The following CTNNA3 variants were observed in gnomAD, a reference collection of about 807,000 sequenced individuals.
CTNNA3 encodes catenin alpha 3, also known as catenin alpha-3.
In CTNNA3, 76 loss-of-function variants were observed where a neutral mutation model predicts 95.7. The ratio of observed to expected loss-of-function variants is 0.79; its 90% confidence interval spans 0.66 to 0.96. The LOEUF (loss-of-function observed/expected upper bound fraction) is 0.96, where lower values mean the gene tolerates loss of function less well. Among genes scored for constraint, CTNNA3 ranks in the 40% least tolerant of loss-of-function variants. The pLI, the probability that CTNNA3 is intolerant of heterozygous loss-of-function variation, is 0.00. For missense variants in CTNNA3, 1,191 were observed against 1,089.8 expected, an observed-to-expected ratio of 1.09 and a Z score of -1.31; for synonymous variants, 431 against 374.4, an observed-to-expected ratio of 1.15 and a Z score of -1.74.
rs538938453 is a variant in CTNNA3 at position 66,737,967 on chromosome 10, C to T, written c.1281+28297G>A. ...CCATCGCGCCCGGCCAAAATTTGTG[C>T]TTTTAAGTAACATCCTTCTCTTCCC... On this transcript the variant is annotated intron_variant, in intron 9 of 17. Transcript: ENST00000433211. Among the ~76,000 whole-genome samples the T allele has an allele frequency of 9.1e-4, 139 of 152,210 alleles. 1 individual carries two copies. Among genetic ancestry groups the T allele is most frequent in the Middle Eastern group, 3.4e-3 (1 of 294 alleles).
chr10:66,396,736 T>A (rs2132546321), intron 11 of CTNNA3, among the ~76,000 whole-genome samples: 1 of 152,018 alleles, frequency 6.6e-6, no homozygotes, highest in South Asian at 2.1e-4. Flanking sequence ...GTCCCCAAAT[T>A]ACCATCCTCA....
intron 14 of CTNNA3, among the ~76,000 whole-genome samples, chr10:66,080,929 G>T (rs1263350472): frequency 6.6e-6 from 1 of 152,164 alleles, no homozygotes; most frequent in Non-Finnish European, 1.5e-5. Context: ...GCTTAAGAAA[G>T]ATATTATATT....
intron 11 of CTNNA3, among the ~76,000 whole-genome samples, chr10:66,420,481 A>C (rs553400560): frequency 6.6e-6 from 1 of 152,242 alleles, no homozygotes; most frequent in African/African-American, 2.4e-5. Context: ...TTTGGTGGGA[A>C]TGTAAATTAG....
At chr10:67,667,644 A>G (rs1026219199) in intron 1 of CTNNA3, among the ~76,000 whole-genome samples, 1 of 152,168 alleles carries the variant, frequency 6.6e-6, no homozygotes, top group Non-Finnish European at 1.5e-5. Context: ...TCTATTTCTA[A>G]TAATAAAAAC....
chr10:65,944,855 T>C (rs531137128), intron 17 of CTNNA3, among the ~76,000 whole-genome samples: 49 of 32,480 alleles, frequency 1.5e-3, no homozygotes, highest in African/African-American at 5.7e-3. Context: ...AAAATATCTG[T>C]CTATCTATCT....
chr10:66,649,609 G>A (rs1302210112), intron 9 of CTNNA3, among the ~76,000 whole-genome samples: 1 of 152,182 alleles, frequency 6.6e-6, no homozygotes, highest in Non-Finnish European at 1.5e-5. Flanking sequence ...CCAGACTCCA[G>A]GCTGATACCT....
chr10:66,010,191 C>T (rs1032015276), intron 15 of CTNNA3, among the ~76,000 whole-genome samples: 3 of 152,156 alleles, frequency 2.0e-5, no homozygotes, highest in Middle Eastern at 3.2e-3. Context: ...CAACATGTTA[C>T]TATCATCTAC....
chr10:66,512,682 T>C (rs12258360), intron 11 of CTNNA3, among the ~76,000 whole-genome samples: 28,021 of 151,994 alleles, frequency 0.18, 2,820 homozygotes, highest in African/African-American at 0.27. Flanking sequence ...TTCTTGTAGG[T>C]TCAGTTTAAC....
At chr10:66,911,790 C>G (rs554878375) in intron 7 of CTNNA3, among the ~76,000 whole-genome samples, 1 of 152,264 alleles carries the variant, frequency 6.6e-6, no homozygotes, top group East Asian at 1.9e-4. Flanking sequence ...CCAAGTTTAA[C>G]TTGCAAAGCT....
intron 1 of CTNNA3, among the ~76,000 whole-genome samples, chr10:67,670,555 A>T (rs547463467): frequency 1.1e-4 from 16 of 152,300 alleles, no homozygotes; most frequent in African/African-American, 3.6e-4. Flanking sequence ...AGAGCCAATG[A>T]ATCACACTTC....
At chr10:67,273,283 C>A (rs1839058969) in intron 5 of CTNNA3, among the ~76,000 whole-genome samples, 1 of 152,014 alleles carries the variant, frequency 6.6e-6, no homozygotes, top group South Asian at 2.1e-4. Context: ...ATAAGACAAA[C>A]AACCCAATTT....
intron 9 of CTNNA3, among the ~76,000 whole-genome samples, chr10:66,732,433 A>G (rs778155045): frequency 5.3e-4 from 80 of 152,296 alleles, no homozygotes; most frequent in Non-Finnish European, 7.3e-4. Context: ...GGTAATAACG[A>G]CATTCTCGAG....
intron 10 of CTNNA3, among the ~76,000 whole-genome samples, chr10:66,576,860 G>T (rs1843019328): frequency 6.6e-6 from 1 of 151,634 alleles, no homozygotes; most frequent in Non-Finnish European, 1.5e-5. Flanking sequence ...TAGTGGAATT[G>T]TTGGGCCAAA....
rs143549943 is a variant in CTNNA3, at chr10:67,405,343, G to A, written c.579+116499C>T. On this transcript the variant is annotated intron_variant, in intron 5 of 17. Transcript: ENST00000433211. ...TACACAGGCTAAAAATAAAGGGATG[G>A]AGGAAAATTTACCAACCAAATAGAA... Among the ~76,000 whole-genome samples the A allele has an allele frequency of 1.7e-3, 259 of 152,292 alleles. 2 individuals carry two copies. The highest frequency in any genetic ancestry group is 5.8e-3 in the African/African-American group (240 of 41,564).
At chr10:66,251,095 G>A (rs2090533617) in intron 13 of CTNNA3, among the ~76,000 whole-genome samples, 1 of 152,136 alleles carries the variant, frequency 6.6e-6, no homozygotes, top group Non-Finnish European at 1.5e-5. Flanking sequence ...ACTAAACACA[G>A]TGATCCATGC....
chr10:66,609,035 T>G (rs1265223703), intron 10 of CTNNA3, among the ~76,000 whole-genome samples: 2 of 152,104 alleles, frequency 1.3e-5, no homozygotes, highest in African/African-American at 4.8e-5. Flanking sequence ...TTCTGCAAAC[T>G]ATGCATCTGA....
chr10:66,427,498 A>G (rs965476598), intron 11 of CTNNA3, among the ~76,000 whole-genome samples: 2 of 152,098 alleles, frequency 1.3e-5, no homozygotes, highest in Non-Finnish European at 2.9e-5. Context: ...AAGATTAGTG[A>G]TTAGACAAAT....
intron 17 of CTNNA3, among the ~76,000 whole-genome samples, chr10:65,959,183 C>A (rs1442990460): frequency 6.6e-6 from 1 of 152,142 alleles, no homozygotes; most frequent in African/African-American, 2.4e-5. Flanking sequence ...GGAGTGGGAC[C>A]CTCCGAGCCA....
intron 12 of CTNNA3, among the ~76,000 whole-genome samples, chr10:66,355,018 A>G (rs1246252230): frequency 6.6e-6 from 1 of 152,164 alleles, no homozygotes; most frequent in Non-Finnish European, 1.5e-5. Flanking sequence ...TTTTTAAAGA[A>G]TAATCAAATA....
Sources: allele counts gnomAD v4.1 joint callset (sites outside exome capture counted in the v4.1 genomes callset), GRCh38; gene constraint gnomAD v4.1.1; transcripts MANE v1.5; gene names NCBI Gene and HGNC (gene_info 2026-07-23, HGNC 2026-07-21).